HINT3: variants seen among roughly 807,000 people sequenced by gnomAD.
HINT3 encodes the protein histidine triad nucleotide binding protein 3, also known as adenosine 5'-monophosphoramidase HINT3.
Under a neutral mutation model 19.1 loss-of-function variants are expected in HINT3, and 16 were observed. The observed-to-expected ratio is 0.84, with a 90% CI of 0.57 to 1.27. The LOEUF is 1.27. HINT3 is among the 50% of genes most tolerant of loss of function. The pLI, the probability that HINT3 is intolerant of heterozygous loss-of-function variation, is 0.00. For missense variants in HINT3, 197 were observed against 225.8 expected (o/e 0.87, Z 0.82); for synonymous variants, 75 against 84.8 (o/e 0.88, Z 0.63).
chr6:125,969,348 T>C (rs1381725017), intron 2 of HINT3, among the ~76,000 whole-genome samples: 3 of 152,218 alleles, frequency 2.0e-5, no homozygotes, highest in African/African-American at 7.2e-5. Flanking sequence ...TTTTCTGTTA[T>C]GTTCTGTTGG....
intron 1 of HINT3, among the ~76,000 whole-genome samples, chr6:125,962,271 C>CACATAT (rs1188439780): frequency 1.1e-4 from 2 of 17,606 alleles, no homozygotes; most frequent in African/African-American, 5.4e-4. Flanking sequence ...TATATATATA[C>CACATAT]ATACATATAT....
intron 1 of HINT3, among the ~76,000 whole-genome samples, chr6:125,963,196 G>T (rs750824374): frequency 6.6e-6 from 1 of 152,112 alleles, no homozygotes; most frequent in African/African-American, 2.4e-5. Context: ...CTGGGTCCAC[G>T]CTGGCAGCTT....
intron 1 of HINT3, among the ~76,000 whole-genome samples, chr6:125,966,481 G>A (rs1162567575): frequency 6.6e-6 from 1 of 152,100 alleles, no homozygotes; most frequent in Admixed American, 6.5e-5. Context: ...ATGCTACGTT[G>A]GGAAAAAAAT....
At chr6:125,962,211 CACATATATAT>C (rs1788942122) in intron 1 of HINT3, among the ~76,000 whole-genome samples, 2 of 12,498 alleles carry the variant, frequency 1.6e-4, no homozygotes, top group African/African-American at 1.3e-3. Context: ...TATATATATA[CACATATATAT>C]ATATATATAT....
chr6:125,963,537 T>C (rs1241248084), intron 1 of HINT3, among the ~76,000 whole-genome samples: 1 of 152,218 alleles, frequency 6.6e-6, no homozygotes, highest in Non-Finnish European at 1.5e-5. Flanking sequence ...ATTTAAATTG[T>C]TTATTAGAGT....
intron 4 of HINT3, 139 bp downstream of exon 4, chr6:125,975,112 CA>C: frequency 1.5e-6 from 1 of 659,980 alleles, no homozygotes; most frequent in Non-Finnish European, 2.4e-6. Context: ...TGCACATATC[CA>C]AAATAATATT....
At chr6:125,974,129 C>G (rs1789147912) in intron 3 of HINT3, among the ~76,000 whole-genome samples, 1 of 152,180 alleles carries the variant, frequency 6.6e-6, no homozygotes, top group Non-Finnish European at 1.5e-5. Flanking sequence ...GCAAATATTT[C>G]TAGGCTTTGA....
intron 1 of HINT3, among the ~76,000 whole-genome samples, chr6:125,965,407 A>G (rs1562213107): frequency 6.6e-6 from 1 of 152,192 alleles, no homozygotes; most frequent in Non-Finnish European, 1.5e-5. Context: ...TTGTGTTATG[A>G]ATCAATCTGG....
chr6:125,970,980 T>C (rs1789088771), intron 2 of HINT3, among the ~76,000 whole-genome samples: 1 of 152,216 alleles, frequency 6.6e-6, no homozygotes. Flanking sequence ...AAGTAAACAT[T>C]AACAATGATT....
intron 1 of HINT3, among the ~76,000 whole-genome samples, chr6:125,962,393 A>G (rs1263646184): frequency 6.7e-6 from 1 of 148,618 alleles, no homozygotes; most frequent in Admixed American, 6.7e-5. Flanking sequence ...TAGTGCTCCC[A>G]AAGGTTGTGT....
Position 125,956,871 on chromosome 6 carries a change from G to A in HINT3, c.-107G>A, listed in dbSNP as rs935408976. Reference sequence around the variant, plus strand: ...CCTGGATCACCGCCCAGCGTCAGGCGAGGGGCGACGTCTCGAGGTAAAACG... The same window carrying A: ...CCTGGATCACCGCCCAGCGTCAGGCAAGGGGCGACGTCTCGAGGTAAAACG... On this transcript the variant is annotated 5_prime_UTR_variant, in exon 1 of 5. Transcript: ENST00000229633. 4 of 1,147,568 alleles carry A rather than the reference G, an allele frequency of 3.5e-6. No individual in the cohort carries two copies. Among genetic ancestry groups the A allele is most frequent in the Non-Finnish European group, 4.9e-6 (4 of 816,316 alleles). The allele number at this position is 1,147,568 out of a possible 1,614,324, so 71.1% of individuals were successfully genotyped here.
At chr6:125,960,667 A>G (rs78671740) in intron 1 of HINT3, among the ~76,000 whole-genome samples, 410 of 39,752 alleles carry the variant, frequency 0.01, 19 homozygotes, top group South Asian at 0.018. Flanking sequence ...GGGGGGGGGA[A>G]AAAAAAAGAA....
rs1017409069 is a variant in HINT3 at position 125,974,736 on chromosome 6, A to G, written c.390-111A>G. 4.4e-5 allele frequency: 45 copies of G among 1,017,018 alleles called. 1 individual carries two copies. The South Asian group carries it at 5.1e-4, about 11-fold the overall frequency. 63.0% of individuals were successfully genotyped at this position (1,017,018 alleles called of 1,614,324 possible). On this transcript the variant is annotated intron_variant, in intron 3 of 4. Transcript: ENST00000229633. The stretch of plus-strand genomic sequence containing the variant: ...ACATTAATGAGATTTGTGACAGTCT[A>G]TTTACCTTAGGTACTTATTTTGGAT...
chr6:125,971,993 G>A (rs1375515888), intron 2 of HINT3, among the ~76,000 whole-genome samples: 1 of 152,142 alleles, frequency 6.6e-6, no homozygotes, highest in Non-Finnish European at 1.5e-5. Context: ...TTACAGGCAT[G>A]AGCCACTGCG....
At chr6:125,964,156 G>A (rs1788983777) in intron 1 of HINT3, among the ~76,000 whole-genome samples, 1 of 152,158 alleles carries the variant, frequency 6.6e-6, no homozygotes, top group Non-Finnish European at 1.5e-5. Context: ...GGGATGGATA[G>A]GCAAAATACT....
At chr6:125,973,373 C>T (rs1039725634) in intron 3 of HINT3, among the ~76,000 whole-genome samples, 2 of 152,060 alleles carry the variant, frequency 1.3e-5, no homozygotes, top group Middle Eastern at 3.2e-3. Flanking sequence ...GCCACTGCGC[C>T]GGGCCTTTTC....
chr6:125,976,502 G>A (rs1326002723), intron 4 of HINT3, among the ~76,000 whole-genome samples: 8 of 148,786 alleles, frequency 5.4e-5, no homozygotes, highest in South Asian at 2.1e-4. Context: ...ATATTCTGCC[G>A]GACAGCTGGT....
In HINT3 at chr6:125,960,500, T is replaced by C. The variant is rs1788904034; in HGVS notation, c.201+3322T>C. 2.6e-5 allele frequency among the ~76,000 whole-genome samples: 4 copies of C among 151,938 alleles called. No homozygotes were observed. In the South Asian group the frequency reaches 8.3e-4, roughly 32 times the overall value. ...GGTGAAACCCCATCTCTCCTAAAAA[T>C]ACAAAAATTAGCTGGGTGTGGTGGC... On this transcript the variant is annotated intron_variant, in intron 1 of 4. Coordinates refer to ENST00000229633, the MANE Select transcript of HINT3 (RefSeq NM_138571.5).
At chr6:125,970,713 C>A (rs1789085248) in intron 2 of HINT3, among the ~76,000 whole-genome samples, 1 of 152,088 alleles carries the variant, frequency 6.6e-6, no homozygotes, top group South Asian at 2.1e-4. Context: ...TTAAATACAG[C>A]ATACATGTTT....
Sources: allele counts gnomAD v4.1 joint callset (sites outside exome capture counted in the v4.1 genomes callset), GRCh38; gene constraint gnomAD v4.1.1; transcripts MANE v1.5; gene names NCBI Gene and HGNC (gene_info 2026-07-23, HGNC 2026-07-21).